Variants in TBCD observed in about 807,000 individuals in gnomAD.
TBCD encodes tubulin-specific chaperone D.
Under a neutral mutation model 169.3 loss-of-function variants are expected in TBCD, and 105 were observed. That is an observed-to-expected ratio of 0.62 (90% CI 0.53 to 0.73). The LOEUF is 0.73. Ranked by LOEUF, TBCD falls within the 30% of genes least tolerant of loss-of-function variation. The pLI is 0.00. For missense variants in TBCD, 1,444 were observed against 1,600.1 expected (o/e 0.90, Z 1.66); for synonymous variants, 700 against 643.9 (o/e 1.09, Z -1.32).
In TBCD at chr17:82,901,175, T is replaced by C. The variant is rs527694152; in HGVS notation, c.1730+444T>C. ...TCATTACAGTAGCAGCTTCAGGGTT[T>C]CCTTGCATTTCATAGGCAGTTAAAT... On this transcript the variant is annotated intron_variant, in intron 18 of 38. Transcript: ENST00000355528. Among the ~76,000 whole-genome samples, 43 of 152,350 alleles carry C rather than the reference T, an allele frequency of 2.8e-4. 1 individual carries two copies. The highest frequency in any genetic ancestry group is 5.7e-4 in the Non-Finnish European group (39 of 68,020).
chr17:82,878,673 T>C (rs2058140052), intron 14 of TBCD, among the ~76,000 whole-genome samples: 5 of 152,220 alleles, frequency 3.3e-5, no homozygotes, highest in Non-Finnish European at 2.9e-5. Context: ...TGTGTTTTCC[T>C]CTGTAACTAG....
chr17:82,816,553 G>C (rs779090090), intron 13 of TBCD, among the ~76,000 whole-genome samples: 1 of 145,970 alleles, frequency 6.9e-6, no homozygotes, highest in African/African-American at 2.6e-5. Context: ...TTTTTTTTTT[G>C]GACGCGGTTT....
intron 13 of TBCD, among the ~76,000 whole-genome samples, chr17:82,848,749 G>C (rs1777363271): frequency 6.6e-6 from 1 of 152,190 alleles, no homozygotes; most frequent in South Asian, 2.1e-4. Context: ...AGGTCAATGG[G>C]CTTGATCCCT....
At chr17:82,910,274 G>A (rs986190430) in intron 22 of TBCD, among the ~76,000 whole-genome samples, 2 of 152,158 alleles carry the variant, frequency 1.3e-5, no homozygotes, top group Admixed American at 6.5e-5. Context: ...TGGTGTGGTC[G>A]GCTCTGAACG....
chr17:82,937,123 G>A (rs867413266), intron 34 of TBCD, 148 bp from the exon 35 acceptor site: 33 of 652,634 alleles, frequency 5.1e-5, no homozygotes, highest in Middle Eastern at 3.2e-4. Flanking sequence ...GGGGACCAGC[G>A]GACTTGCTGG....
intron 17 of TBCD, among the ~76,000 whole-genome samples, chr17:82,896,917 T>G (rs1049342669): frequency 6.6e-6 from 1 of 151,820 alleles, no homozygotes; most frequent in Non-Finnish European, 1.5e-5. Context: ...GGGTCCGTGC[T>G]GGTGCTGGGG....
chr17:82,870,047 T>G (rs940867713), intron 13 of TBCD, among the ~76,000 whole-genome samples, 177 bp from the exon 14 acceptor site: 1 of 152,226 alleles, frequency 6.6e-6, no homozygotes, highest in African/African-American at 2.4e-5. Context: ...GTTTGTTTTC[T>G]GACCAGGCCG....
At chr17:82,820,261 A>G (rs527305838) in intron 13 of TBCD, among the ~76,000 whole-genome samples, 1 of 152,338 alleles carries the variant, frequency 6.6e-6, no homozygotes, top group South Asian at 2.1e-4. Context: ...TACAGGCGTG[A>G]GGCACTGCGC....
rs1373214339 is a variant in TBCD at position 82,832,045 on chromosome 17, G to T, written c.1318+17111G>T. On this transcript the variant is annotated intron_variant, in intron 13 of 38. Transcript: ENST00000355528. This position sits in a 1 kb window ranked among gnomAD's most constrained non-coding sequence, Gnocchi z 4.9. Reference sequence around the variant, plus strand: ...GGCTTCCGGAGCTGGGCTCTTGCAGGGTGATGCCCTGTGGAGGGCTGGCTT... The same window carrying T: ...GGCTTCCGGAGCTGGGCTCTTGCAGTGTGATGCCCTGTGGAGGGCTGGCTT... 1 of 1,613,294 alleles carries T rather than the reference G, an allele frequency of 6.2e-7. No individual in the cohort carries two copies. The highest frequency in any genetic ancestry group is 1.7e-4 in the Middle Eastern group (1 of 6,058).
At chr17:82,869,675 A>T (rs917781685) in intron 13 of TBCD, among the ~76,000 whole-genome samples, 12 of 152,230 alleles carry the variant, frequency 7.9e-5, no homozygotes, top group Admixed American at 5.9e-4. Context: ...TCTTGAAGTC[A>T]GCACTGTAGG....
chr17:82,907,244 T>C (rs1343837862), intron 20 of TBCD, among the ~76,000 whole-genome samples: 1 of 152,254 alleles, frequency 6.6e-6, no homozygotes, highest in Non-Finnish European at 1.5e-5. Context: ...GCCAGGGACC[T>C]TCCCTTGGAT....
chr17:82,809,523 T>C (rs2051272649), intron 11 of TBCD, among the ~76,000 whole-genome samples, 185 bp from the exon 12 acceptor site: 1 of 152,188 alleles, frequency 6.6e-6, no homozygotes, highest in Non-Finnish European at 1.5e-5. Flanking sequence ...GGCTGCAGGC[T>C]CCTTTACCCT....
intron 18 of TBCD, among the ~76,000 whole-genome samples, chr17:82,902,331 C>T (rs991212218): frequency 7.9e-5 from 12 of 152,240 alleles, no homozygotes; most frequent in African/African-American, 2.9e-4. Context: ...TTATGTAACC[C>T]TTGAAAAATG....
intron 13 of TBCD, among the ~76,000 whole-genome samples, chr17:82,838,351 G>A (rs1021029272): frequency 1.3e-5 from 2 of 151,710 alleles, no homozygotes; most frequent in African/African-American, 4.8e-5. Flanking sequence ...AAAAAACTTT[G>A]ATAGGACACA....
intron 13 of TBCD, among the ~76,000 whole-genome samples, chr17:82,826,747 G>A (rs2052883743): frequency 6.6e-6 from 1 of 151,754 alleles, no homozygotes; most frequent in Non-Finnish European, 1.5e-5. Flanking sequence ...AATAAGGCAA[G>A]GTTCTGCAAC....
intron 13 of TBCD, among the ~76,000 whole-genome samples, chr17:82,867,182 T>TGGG (rs71168165): frequency 6.6e-6 from 1 of 151,736 alleles, no homozygotes; most frequent in South Asian, 2.1e-4. Flanking sequence ...TGGCCTGGGG[T>TGGG]GGGGGGTCTG....
At chr17:82,842,024 G>A (rs997442930) in intron 13 of TBCD, among the ~76,000 whole-genome samples, 1 of 152,244 alleles carries the variant, frequency 6.6e-6, no homozygotes, top group Non-Finnish European at 1.5e-5. Flanking sequence ...AGATTGTCAG[G>A]GTGTCCCTTC....
intron 2 of TBCD, among the ~76,000 whole-genome samples, chr17:82,761,795 G>A (rs955530482): frequency 2.0e-5 from 3 of 150,840 alleles, no homozygotes; most frequent in Non-Finnish European, 3.0e-5. Flanking sequence ...GTGCGATCTC[G>A]GCTCACTGCA....
rs1314266474 is a variant in TBCD at position 82,864,256 on chromosome 17, T to A, written c.1319-5968T>A. On this transcript the variant is annotated intron_variant, in intron 13 of 38. Coordinates refer to ENST00000355528, the MANE Select transcript of TBCD (RefSeq NM_005993.5). The surrounding 1 kb of genome is among the most constrained non-coding windows in gnomAD (Gnocchi z 6.3). ...TGAAGCGTCTCACTTTTTAATTTCA[T>A]GAAGAAACAAATGTAGTGCAGAGAA... 6.6e-6 allele frequency: 1 copy of A among 152,236 alleles called. No homozygotes were observed. The highest frequency in any genetic ancestry group is 1.5e-5 in the Non-Finnish European group (1 of 68,050). 9.4% of individuals were successfully genotyped at this position (152,236 alleles called of 1,614,324 possible).
Sources: gnomAD v4.1 joint callset for allele counts (sites outside exome capture counted in the v4.1 genomes callset) on GRCh38, gnomAD v4.1.1 for gene constraint, Gnocchi (gnomAD v3.1) non-coding constraint, MANE v1.5 for transcripts, NCBI Gene and HGNC (gene_info 2026-07-23, HGNC 2026-07-21) for gene names.